CCDC85A: variants seen among roughly 807,000 people sequenced by gnomAD.
CCDC85A encodes coiled-coil domain-containing protein 85A.
A neutral mutation model predicts 50.2 loss-of-function variants in CCDC85A; 38 were observed. That is an observed-to-expected ratio of 0.76 (90% CI 0.58 to 0.99). The LOEUF (loss-of-function observed/expected upper bound fraction) is 0.99. Among genes scored for constraint, CCDC85A ranks in the 50% least tolerant of loss-of-function variants. CCDC85A has a pLI of 0.00. For missense variants in CCDC85A, 820 were observed against 742.0 expected (o/e 1.11, Z -1.22); for synonymous variants, 366 against 301.4 (o/e 1.21, Z -2.22).
chr2:56,223,028 A>T (rs1668393987), intron 2 of CCDC85A, among the ~76,000 whole-genome samples: 1 of 152,142 alleles, frequency 6.6e-6, no homozygotes, highest in South Asian at 2.1e-4. Context: ...GTAAGTGCCA[A>T]GGTTTTCTAT....
intron 2 of CCDC85A, among the ~76,000 whole-genome samples, chr2:56,238,501 G>T (rs555693910): frequency 1.8e-3 from 276 of 151,578 alleles, no homozygotes; most frequent in Non-Finnish European, 3.3e-3. Context: ...TATTAAAAAG[G>T]TTTATTATCT....
chr2:56,281,293 T>C (rs1671196528), intron 2 of CCDC85A, among the ~76,000 whole-genome samples: 1 of 152,330 alleles, frequency 6.6e-6, no homozygotes, highest in South Asian at 2.1e-4. Context: ...AAATATTTTT[T>C]CTATTCAAAT....
chr2:56,186,659 T>C (rs891590221), intron 1 of CCDC85A, among the ~76,000 whole-genome samples: 1 of 152,174 alleles, frequency 6.6e-6, no homozygotes, highest in Non-Finnish European at 1.5e-5. Context: ...GTTTTAATAG[T>C]ATGGAGCATC....
At chr2:56,307,772 G>A (rs56274428) in intron 2 of CCDC85A, among the ~76,000 whole-genome samples, 4,660 of 152,216 alleles carry the variant, frequency 0.031, 245 homozygotes, top group African/African-American at 0.1. Flanking sequence ...TTTAAAATTC[G>A]TGTCTTTTTC....
chr2:56,316,565 T>G (rs1672931293), intron 2 of CCDC85A, among the ~76,000 whole-genome samples: 1 of 152,122 alleles, frequency 6.6e-6, no homozygotes, highest in South Asian at 2.1e-4. Context: ...GGTGTAGATA[T>G]GATCTTAGTA....
chr2:56,251,730 T>A (rs1444031175), intron 2 of CCDC85A, among the ~76,000 whole-genome samples: 1 of 152,026 alleles, frequency 6.6e-6, no homozygotes, highest in African/African-American at 2.4e-5. Context: ...TTTACTGATT[T>A]TTTTTTTGCC....
chr2:56,368,531 A>G (rs533958261), intron 3 of CCDC85A, among the ~76,000 whole-genome samples: 1 of 152,216 alleles, frequency 6.6e-6, no homozygotes, highest in African/African-American at 2.4e-5. Context: ...CTAGGCATAC[A>G]CTCTGATGAG....
chr2:56,379,214 A>C (rs1389107444), intron 5 of CCDC85A, among the ~76,000 whole-genome samples: 1 of 152,168 alleles, frequency 6.6e-6, no homozygotes, highest in African/African-American at 2.4e-5. Flanking sequence ...CCACCTCCAC[A>C]TGCCTTTTCT....
intron 2 of CCDC85A, among the ~76,000 whole-genome samples, chr2:56,275,528 A>C (rs564541372): frequency 6.6e-6 from 1 of 152,190 alleles, no homozygotes; most frequent in Admixed American, 6.5e-5. Context: ...TTATTTAATA[A>C]ATTTTCACTT....
intron 2 of CCDC85A, among the ~76,000 whole-genome samples, chr2:56,240,754 A>G (rs1446754469): frequency 6.6e-6 from 1 of 152,222 alleles, no homozygotes; most frequent in African/African-American, 2.4e-5. Context: ...TAATAGGCCA[A>G]TGCATGGATA....
rs75271623 is a variant in CCDC85A, at chr2:56,195,649, A to G, written c.1240+2209A>G. Among the ~76,000 whole-genome samples the G allele has an allele frequency of 9.7e-3, 1,484 of 152,336 alleles. 14 individuals are homozygous for G. Among genetic ancestry groups the G allele is most frequent in the Middle Eastern group, 0.027 (8 of 294 alleles). ...TAACTTTTGATATGGATGGTAAGAC[A>G]TGCTTTTTCATATTTTTAAATCCTC... On this transcript the variant is annotated intron_variant, in intron 2 of 5. Transcript: ENST00000407595.
In CCDC85A at chr2:56,362,581, C is replaced by T. The variant is rs568528932; in HGVS notation, c.1318-9763C>T. Among the ~76,000 whole-genome samples the T allele has an allele frequency of 1.5e-4, 23 of 151,672 alleles. No individual in the cohort carries two copies. The South Asian group carries it at 4.8e-3, about 32-fold the overall frequency. ...CCAAGTGTAGACTGCAAAGAGAGAC[C>T]CAATTAGCTTTTTTTTTTCTTTTTT... On this transcript the variant is annotated intron_variant, in intron 3 of 5. Transcript: ENST00000407595.
At chr2:56,223,057 C>T (rs1668395550) in intron 2 of CCDC85A, among the ~76,000 whole-genome samples, 1 of 152,100 alleles carries the variant, frequency 6.6e-6, no homozygotes, top group African/African-American at 2.4e-5. Flanking sequence ...TATGAAAAAG[C>T]ATGTATTTAA....
chr2:56,344,860 T>C (rs1025339873), intron 3 of CCDC85A, among the ~76,000 whole-genome samples: 2 of 151,986 alleles, frequency 1.3e-5, no homozygotes, highest in South Asian at 2.1e-4. Flanking sequence ...TTTTTGTTCT[T>C]AGTTTCCTTC....
chr2:56,373,494 T>A (rs1676184649), intron 4 of CCDC85A, among the ~76,000 whole-genome samples: 1 of 152,188 alleles, frequency 6.6e-6, no homozygotes, highest in Non-Finnish European at 1.5e-5. Context: ...TTACATTGAT[T>A]TTTAGAAGTT....
At chr2:56,231,722 A>C (rs1162181868) in intron 2 of CCDC85A, among the ~76,000 whole-genome samples, 1 of 152,118 alleles carries the variant, frequency 6.6e-6, no homozygotes, top group Non-Finnish European at 1.5e-5. Flanking sequence ...TTGATGCTGC[A>C]TGTGTTAGTG....
chr2:56,347,836 A>G lies in CCDC85A; in HGVS notation c.1317+4881A>G, dbSNP rs907465040. Among the ~76,000 whole-genome samples, 7 of 152,304 alleles carry G rather than the reference A, an allele frequency of 4.6e-5. No homozygotes were observed. The East Asian group carries it at 1.4e-3, about 29-fold the overall frequency. ...TTGCTTAGCTCTTTCTACTCCATTC[A>G]TTATCCTTTTCTTGATGGTCACAAA... On this transcript the variant is annotated intron_variant, in intron 3 of 5. Coordinates refer to ENST00000407595, the MANE Select transcript of CCDC85A (RefSeq NM_001080433.2).
intron 2 of CCDC85A, among the ~76,000 whole-genome samples, chr2:56,241,674 G>T (rs999062855): frequency 7.9e-5 from 12 of 152,118 alleles, no homozygotes; most frequent in African/African-American, 2.9e-4. Context: ...CATTCTTTAT[G>T]ATGGCTGAAT....
intron 2 of CCDC85A, among the ~76,000 whole-genome samples, chr2:56,223,996 T>C (rs1668438466): frequency 6.6e-6 from 1 of 152,200 alleles, no homozygotes; most frequent in African/African-American, 2.4e-5. Context: ...TACTAAAGTG[T>C]ACAGTCCAAT....
Sources: gnomAD v4.1 joint callset for allele counts (sites outside exome capture counted in the v4.1 genomes callset) on GRCh38, gnomAD v4.1.1 for gene constraint, MANE v1.5 for transcripts, NCBI Gene and HGNC (gene_info 2026-07-23, HGNC 2026-07-21) for gene names.